Variants in ZFYVE28 observed in about 807,000 individuals in gnomAD.
ZFYVE28 encodes the protein lateral signaling target protein 2 homolog.
Under a neutral mutation model 82.1 loss-of-function variants are expected in ZFYVE28, and 40 were observed. The ratio of observed to expected loss-of-function variants is 0.49; its 90% CI spans 0.38 to 0.63. The LOEUF (loss-of-function observed/expected upper bound fraction) is 0.63. Ranked by LOEUF, ZFYVE28 falls within the 30% of genes least tolerant of loss-of-function variation. The pLI, the probability that ZFYVE28 is intolerant of heterozygous loss-of-function variation, is 0.00. For synonymous variants in ZFYVE28, 612 were observed against 546.1 expected (o/e 1.12, Z -1.68); for missense variants, 1,321 against 1,242.1 (o/e 1.06, Z -0.96).
chr4:2,374,086 G>A (rs1353459113), intron 1 of ZFYVE28, among the ~76,000 whole-genome samples: 2 of 152,174 alleles, frequency 1.3e-5, no homozygotes, highest in South Asian at 2.1e-4. Flanking sequence ...ACTCTGAACA[G>A]CAAAAGGTAA....
intron 8 of ZFYVE28, among the ~76,000 whole-genome samples, chr4:2,276,147 G>A (rs565892942): frequency 3.3e-5 from 5 of 152,088 alleles, no homozygotes; most frequent in African/African-American, 4.8e-5. Flanking sequence ...GCGGCAGAGC[G>A]GGGGAGGAGG....
chr4:2,325,592 CTTTTT>C (rs58460729), intron 6 of ZFYVE28, among the ~76,000 whole-genome samples: 4 of 122,202 alleles, frequency 3.3e-5, no homozygotes, highest in East Asian at 2.3e-4. Context: ...TTAAATCTTA[CTTTTT>C]TTTTTTTTTT....
In ZFYVE28 at chr4:2,335,138, C is replaced by T. The variant is rs1489888307; in HGVS notation, c.701+567G>A. 1.3e-5 allele frequency among the ~76,000 whole-genome samples: 2 copies of T among 151,764 alleles called. No homozygotes were observed. Among genetic ancestry groups the T allele is most frequent in the Non-Finnish European group, 2.9e-5 (2 of 67,922 alleles). ...AGGACCCTACAGGCTGCCTTGAGTT[C>T]CCTGCTCTCCCAGACGGCCCCGCTG... On this transcript the variant is annotated intron_variant, in intron 6 of 12. Coordinates refer to ENST00000290974, the MANE Select transcript of ZFYVE28 (RefSeq NM_020972.3). The surrounding 1 kb of genome is among the most constrained non-coding windows in gnomAD (Gnocchi z 5.8).
At chr4:2,277,810 T>C (rs1346155412) in intron 8 of ZFYVE28, among the ~76,000 whole-genome samples, 1 of 152,148 alleles carries the variant, frequency 6.6e-6, no homozygotes, top group Non-Finnish European at 1.5e-5. Flanking sequence ...GCCAACTGCC[T>C]TTTTTTCTTG....
chr4:2,304,783 G>A lies in ZFYVE28; in HGVS notation c.1557C>T (p.Phe519=), dbSNP rs201625946. 56 of 1,612,674 alleles carry A rather than the reference G, an allele frequency of 3.5e-5. No individual in the cohort carries two copies. Among genetic ancestry groups the A allele is most frequent in the Non-Finnish European group, 4.7e-5 (55 of 1,179,956 alleles). The change falls in exon 8 of 13, where the codon TTC becomes TTT. Residue 519 remains phenylalanine (F), a synonymous_variant. Coordinates refer to ENST00000290974, the MANE Select transcript of ZFYVE28 (RefSeq NM_020972.3). ...GGMKLSATVI[F]NPKSPTSLDS... The stretch of plus-strand genomic sequence containing the variant: ...CCAGGGAAGTGGGCGATTTGGGGTT[G>A]AAGATGACCGTGGCTGAGAGCTTCA...
At chr4:2,312,433 T>G (rs1055765191) in intron 7 of ZFYVE28, among the ~76,000 whole-genome samples, 8 of 151,856 alleles carry the variant, frequency 5.3e-5, no homozygotes, top group East Asian at 1.9e-4. Context: ...AGGAATTATT[T>G]AGAAGTGTTT....
chr4:2,331,175 A>C, intron 6 of ZFYVE28: 1 of 409,140 alleles, frequency 2.4e-6, no homozygotes, highest in Non-Finnish European at 4.2e-6. Context: ...GGGGTAGAGG[A>C]GAGGGGCCTG....
intron 1 of ZFYVE28, among the ~76,000 whole-genome samples, chr4:2,360,866 C>G (rs983922481): frequency 6.6e-6 from 1 of 152,300 alleles, no homozygotes; most frequent in East Asian, 1.9e-4. Flanking sequence ...TGGGGAGGGG[C>G]GGTTAATGTT....
chr4:2,300,489 C>T lies in ZFYVE28; in HGVS notation c.2051+3800G>A, dbSNP rs960702338. Among the ~76,000 whole-genome samples, 1 of 152,184 alleles carries T rather than the reference C, an allele frequency of 6.6e-6. No homozygotes were observed. The highest frequency in any genetic ancestry group is 1.5e-5 in the Non-Finnish European group (1 of 68,040). ...CTGATTCACTGCTGTCTGTCGAGGA[C>T]GATGTCCGGACTCCCAGGTGACAGC... is the stretch of plus-strand genomic sequence containing the variant. On this transcript the variant is annotated intron_variant, in intron 8 of 12. Coordinates refer to ENST00000290974, the MANE Select transcript of ZFYVE28 (RefSeq NM_020972.3). This position sits in a 1 kb window ranked among gnomAD's most constrained non-coding sequence, Gnocchi z 4.6.
chr4:2,295,129 C>T (rs1233335171), intron 8 of ZFYVE28, among the ~76,000 whole-genome samples: 1 of 151,826 alleles, frequency 6.6e-6, no homozygotes, highest in Non-Finnish European at 1.5e-5. Flanking sequence ...TATCATATGC[C>T]AATCATATTT....
At chr4:2,281,027 C>T (rs1187842900) in intron 8 of ZFYVE28, among the ~76,000 whole-genome samples, 4 of 152,214 alleles carry the variant, frequency 2.6e-5, no homozygotes, top group South Asian at 2.1e-4. Context: ...TAGGTCAGAT[C>T]GCTGATGGCC....
At chr4:2,368,072 A>G (rs1727075719) in intron 1 of ZFYVE28, among the ~76,000 whole-genome samples, 1 of 152,150 alleles carries the variant, frequency 6.6e-6, no homozygotes, top group African/African-American at 2.4e-5. Flanking sequence ...TGGGACTCAC[A>G]TGCCATAAAA....
At chr4:2,288,046 C>T (rs559909611) in intron 8 of ZFYVE28, among the ~76,000 whole-genome samples, 37 of 152,258 alleles carry the variant, frequency 2.4e-4, no homozygotes, top group African/African-American at 8.9e-4. Context: ...CGGGCCCTAT[C>T]GAGGTGCAGT....
intron 2 of ZFYVE28, among the ~76,000 whole-genome samples, chr4:2,352,328 C>CG (rs138803016): frequency 0.015 from 2,284 of 151,314 alleles, 58 homozygotes; most frequent in African/African-American, 0.053. Context: ...GCCGCCATGT[C>CG]GGGGGGTGGA....
intron 2 of ZFYVE28, among the ~76,000 whole-genome samples, chr4:2,348,968 G>A (rs1398992562): frequency 6.6e-6 from 1 of 152,136 alleles, no homozygotes; most frequent in African/African-American, 2.4e-5. Context: ...ACCTTTGGAT[G>A]CTATGGCATC....
chr4:2,408,296 C>G lies in ZFYVE28; in HGVS notation c.39+9989G>C, dbSNP rs561231238. The stretch of plus-strand genomic sequence containing the variant: ...CCAGCATTTCCCTGCATCCCCACAC[C>G]TGCCCTTTGAGATGTGACTCTGCTA... On this transcript the variant is annotated intron_variant, in intron 1 of 12. Transcript: ENST00000290974. The surrounding 1 kb of genome is among the most constrained non-coding windows in gnomAD (Gnocchi z 4.3). Among the ~76,000 whole-genome samples the G allele has an allele frequency of 6.6e-6, 1 of 152,318 alleles. No individual in the cohort carries two copies. The highest frequency in any genetic ancestry group is 2.1e-4 in the South Asian group (1 of 4,822).
In ZFYVE28 at chr4:2,394,853, C is replaced by A. The variant is rs963996869; in HGVS notation, c.39+23432G>T. On this transcript the variant is annotated intron_variant, in intron 1 of 12. Transcript: ENST00000290974. The surrounding 1 kb of genome is among the most constrained non-coding windows in gnomAD (Gnocchi z 4.0). ...CCAGCACCCAGCACAGTGGGTGGCA[C>A]AGGGCAGGTGCCTCGCAAATTCAAG... Among the ~76,000 whole-genome samples, 2 of 152,390 alleles carry A rather than the reference C, an allele frequency of 1.3e-5. No homozygotes were observed. The highest frequency in any genetic ancestry group is 4.8e-5 in the African/African-American group (2 of 41,592).
At position 2,270,494 on chromosome 4, in the gene ZFYVE28, C is replaced by T. The variant is rs1190401150; in HGVS notation, c.*231G>A. 17 of 608,846 alleles carry T rather than the reference C, an allele frequency of 2.8e-5. No homozygotes were observed. Among genetic ancestry groups the T allele is most frequent in the Non-Finnish European group, 3.9e-5 (14 of 355,100 alleles). The allele number at this position is 608,846 out of a possible 1,614,324, so 37.7% of individuals were successfully genotyped here. On this transcript the variant is annotated 3_prime_UTR_variant, in exon 13 of 13. Coordinates refer to ENST00000290974, the MANE Select transcript of ZFYVE28 (RefSeq NM_020972.3). Reference sequence around the variant, plus strand: ...CCCTGAGGCAGCCACCAGGCTCCTCCGGGTCCCCTGCTGGGCAAAGCTGAC... The same window carrying T: ...CCCTGAGGCAGCCACCAGGCTCCTCTGGGTCCCCTGCTGGGCAAAGCTGAC...
At chr4:2,353,431 C>T (rs1289636918) in intron 2 of ZFYVE28, among the ~76,000 whole-genome samples, 1 of 152,252 alleles carries the variant, frequency 6.6e-6, no homozygotes, top group African/African-American at 2.4e-5. Flanking sequence ...TAAAACTTTG[C>T]AGCATGCCGT....
Sources: allele counts gnomAD v4.1 joint callset (sites outside exome capture counted in the v4.1 genomes callset), GRCh38; gene constraint gnomAD v4.1.1; non-coding constraint Gnocchi (gnomAD v3.1); transcripts MANE v1.5; gene names NCBI Gene and HGNC (gene_info 2026-07-23, HGNC 2026-07-21).